The following SLC44A5 variants were observed in gnomAD, a reference collection of about 807,000 sequenced individuals.
The protein encoded by SLC44A5 is solute carrier family 44 member 5, also known as choline transporter-like protein 5.
Under a neutral mutation model 101.8 loss-of-function variants are expected in SLC44A5, and 57 were observed. The observed-to-expected ratio is 0.56, with a 90% CI of 0.45 to 0.70. SLC44A5 has a LOEUF of 0.70. Ranked by LOEUF, SLC44A5 falls within the 30% of genes least tolerant of loss-of-function variation. The pLI is 0.00. For synonymous variants in SLC44A5, 281 were observed against 290.9 expected (o/e 0.97, Z 0.35); for missense variants, 737 against 853.1 (o/e 0.86, Z 1.70).
At chr1:75,438,416 G>T (rs1009055937) in intron 2 of SLC44A5, among the ~76,000 whole-genome samples, 1 of 152,082 alleles carries the variant, frequency 6.6e-6, no homozygotes, top group Admixed American at 6.6e-5. Context: ...TGCTGGGTTT[G>T]CAGAAACTAA....
intron 3 of SLC44A5, among the ~76,000 whole-genome samples, chr1:75,360,400 C>T (rs1048647591): frequency 7.3e-5 from 11 of 151,252 alleles, no homozygotes; most frequent in African/African-American, 2.7e-4. Flanking sequence ...GAACTCCTGG[C>T]TTCAAGTGAT....
intron 5 of SLC44A5, among the ~76,000 whole-genome samples, chr1:75,288,570 C>T (rs1291491490): frequency 6.6e-6 from 1 of 152,136 alleles, no homozygotes; most frequent in African/African-American, 2.4e-5. Flanking sequence ...CACATTCTTC[C>T]TAGAGAAACT....
At chr1:75,529,980 A>T (rs1670630463) in intron 2 of SLC44A5, among the ~76,000 whole-genome samples, 1 of 152,202 alleles carries the variant, frequency 6.6e-6, no homozygotes, top group Admixed American at 6.5e-5. Context: ...TATCAAATTT[A>T]GTGACTCAGG....
the SLC44A5 span, among the ~76,000 whole-genome samples, chr1:75,711,727 G>A: frequency 6.6e-6 from 1 of 152,216 alleles, no homozygotes; most frequent in South Asian, 2.1e-4. Context: ...GTACGGTGAT[G>A]TGTTCTATCT....
At chr1:75,671,957 A>T in the SLC44A5 span, among the ~76,000 whole-genome samples, 1 of 152,182 alleles carries the variant, frequency 6.6e-6, no homozygotes, top group African/African-American at 2.4e-5. Context: ...CATCATACAG[A>T]AAGTTCCAAC....
intron 2 of SLC44A5, among the ~76,000 whole-genome samples, chr1:75,492,699 T>G (rs1193312838): frequency 4.6e-5 from 7 of 152,202 alleles, no homozygotes; most frequent in Non-Finnish European, 7.3e-5. Context: ...AGAACAAGCT[T>G]AGAATTAAAG....
intron 4 of SLC44A5, among the ~76,000 whole-genome samples, chr1:75,335,955 C>A (rs987237824): frequency 6.6e-6 from 1 of 152,092 alleles, no homozygotes; most frequent in Non-Finnish European, 1.5e-5. Context: ...GCCCATGTTA[C>A]TTGTGCTTGC....
At chr1:75,509,012 G>A (rs1224278260) in intron 2 of SLC44A5, among the ~76,000 whole-genome samples, 1 of 152,178 alleles carries the variant, frequency 6.6e-6, no homozygotes, top group Non-Finnish European at 1.5e-5. Context: ...ACAAAGCTGG[G>A]AACCAGTGAA....
At chr1:75,436,667 C>T (rs1465527824) in intron 2 of SLC44A5, among the ~76,000 whole-genome samples, 4 of 152,044 alleles carry the variant, frequency 2.6e-5, no homozygotes, top group Admixed American at 1.3e-4. Flanking sequence ...AAATATTTTT[C>T]TTTCTTCAAC....
intron 3 of SLC44A5, among the ~76,000 whole-genome samples, chr1:75,364,551 A>G (rs958155795): frequency 6.6e-6 from 1 of 152,174 alleles, no homozygotes; most frequent in Non-Finnish European, 1.5e-5. Flanking sequence ...TGGAAATTAT[A>G]ATTAAAACAT....
the SLC44A5 span, among the ~76,000 whole-genome samples, chr1:75,639,964 T>G: frequency 6.6e-6 from 1 of 152,086 alleles, no homozygotes; most frequent in Non-Finnish European, 1.5e-5. Context: ...AACTTCATGT[T>G]GTTTGTCTTA....
intron 5 of SLC44A5, among the ~76,000 whole-genome samples, chr1:75,298,670 A>G (rs1478310876): frequency 6.6e-6 from 1 of 152,124 alleles, no homozygotes; most frequent in Admixed American, 6.6e-5. Context: ...CCTAGTGGAA[A>G]GATTCTGGTC....
chr1:75,594,727 G>A (rs1240804892), intron 1 of SLC44A5, among the ~76,000 whole-genome samples: 1 of 150,930 alleles, frequency 6.6e-6, no homozygotes, highest in Non-Finnish European at 1.5e-5. Context: ...TTTATACCTT[G>A]GAAGAAAACT....
At chr1:75,574,296 T>C (rs960188899) in intron 1 of SLC44A5, among the ~76,000 whole-genome samples, 3 of 152,196 alleles carry the variant, frequency 2.0e-5, no homozygotes, top group African/African-American at 2.4e-5. Flanking sequence ...AGAGTCCACA[T>C]TGATATTATT....
intron 2 of SLC44A5, among the ~76,000 whole-genome samples, chr1:75,502,606 A>C (rs1194467424): frequency 6.6e-6 from 1 of 152,026 alleles, no homozygotes; most frequent in Non-Finnish European, 1.5e-5. Context: ...CACAACGTGC[A>C]GGTTTGTTAC....
chr1:75,703,939 A>G, the SLC44A5 span, among the ~76,000 whole-genome samples: 141,267 of 152,124 alleles, frequency 0.93, 65,828 homozygotes, highest in African/African-American at 0.97. Flanking sequence ...TGTAGTCCCC[A>G]CATTTTGGGA....
chr1:75,295,206 A>C (rs1394005291), intron 5 of SLC44A5, among the ~76,000 whole-genome samples: 3 of 152,180 alleles, frequency 2.0e-5, no homozygotes, highest in Non-Finnish European at 4.4e-5. Flanking sequence ...AATTAAATTA[A>C]ATTAAAAATG....
At chr1:75,435,836 C>T (rs1346205476) in intron 2 of SLC44A5, among the ~76,000 whole-genome samples, 1 of 151,882 alleles carries the variant, frequency 6.6e-6, no homozygotes, top group Non-Finnish European at 1.5e-5. Context: ...TTTTGCTCTC[C>T]ACCTTTTGCA....
At chr1:75,555,132 C>T (rs919684477) in intron 1 of SLC44A5, among the ~76,000 whole-genome samples, 1 of 152,046 alleles carries the variant, frequency 6.6e-6, no homozygotes, top group Non-Finnish European at 1.5e-5. Context: ...ATGGTTGAAC[C>T]TCACAGATAT....
Sources: gnomAD v4.1 joint callset for allele counts (sites outside exome capture counted in the v4.1 genomes callset) on GRCh38, gnomAD v4.1.1 for gene constraint, MANE v1.5 for transcripts, NCBI Gene and HGNC (gene_info 2026-07-23, HGNC 2026-07-21) for gene names.